ADAM32: variants seen among roughly 807,000 people sequenced by gnomAD.
The protein encoded by ADAM32 is ADAM metallopeptidase domain 32, also known as disintegrin and metalloproteinase domain-containing protein 32.
Under a neutral mutation model 114.9 loss-of-function variants are expected in ADAM32, and 89 were observed. That is an observed-to-expected ratio of 0.77 (90% CI 0.65 to 0.92). ADAM32 has a LOEUF of 0.92. Among genes scored for constraint, ADAM32 ranks in the 40% least tolerant of loss-of-function variants. ADAM32 has a pLI of 0.00. For synonymous variants in ADAM32, 285 were observed against 307.5 expected, an observed-to-expected ratio of 0.93 and a Z score of 0.77; for missense variants, 870 against 932.8, an observed-to-expected ratio of 0.93 and a Z score of 0.88.
chr8:39,284,556 C>G (rs1813660360), intron 24 of ADAM32, among the ~76,000 whole-genome samples: 1 of 152,024 alleles, frequency 6.6e-6, no homozygotes, highest in South Asian at 2.1e-4. Context: ...TTAATTTTTT[C>G]ATTTGCAAGT....
At chr8:39,161,083 A>C in intron 7 of ADAM32, 118 bp downstream of exon 7, 1 of 916,946 alleles carries the variant, frequency 1.1e-6, no homozygotes, top group African/African-American at 1.7e-5. Context: ...CATAGAGACA[A>C]TAGTGGAAAA....
chr8:39,259,957 T>C lies in ADAM32; in HGVS notation c.2162+2614T>C, dbSNP rs190894950. Among the ~76,000 whole-genome samples the C allele has an allele frequency of 2.0e-4, 31 of 152,340 alleles. 1 individual carries two copies. The East Asian group carries it at 5.8e-3, about 28-fold the overall frequency. On this transcript the variant is annotated intron_variant, in intron 19 of 24. Transcript: ENST00000379907. Reference sequence around the variant, plus strand: ...AGTGTTGTATGCATTCATTTATGTGTGTGTATAGTATTACCACATTTTATC... The same window carrying C: ...AGTGTTGTATGCATTCATTTATGTGCGTGTATAGTATTACCACATTTTATC...
intron 1 of ADAM32, among the ~76,000 whole-genome samples, chr8:39,111,510 T>C (rs1008463795): frequency 6.6e-6 from 1 of 151,866 alleles, no homozygotes; most frequent in Non-Finnish European, 1.5e-5. Context: ...CCAAGGTGGG[T>C]GGATCACTTG....
chr8:39,112,254 C>G (rs1214582136), intron 1 of ADAM32, among the ~76,000 whole-genome samples: 1 of 151,982 alleles, frequency 6.6e-6, no homozygotes, highest in Non-Finnish European at 1.5e-5. Flanking sequence ...TTATAAATGA[C>G]AAAAGCATAT....
chr8:39,247,011 G>A (rs187005244), intron 17 of ADAM32, among the ~76,000 whole-genome samples: 144 of 152,086 alleles, frequency 9.5e-4, no homozygotes, highest in African/African-American at 3.1e-3. Flanking sequence ...ATGTTTCTCC[G>A]TGTTTTTCTA....
chr8:39,175,628 C>A (rs1301414766), intron 10 of ADAM32, among the ~76,000 whole-genome samples: 1 of 152,106 alleles, frequency 6.6e-6, no homozygotes, highest in Non-Finnish European at 1.5e-5. Context: ...AGATATTGGC[C>A]TGAAGTTTTC....
intron 12 of ADAM32, among the ~76,000 whole-genome samples, chr8:39,216,205 G>A (rs980211397): frequency 2.0e-5 from 3 of 151,942 alleles, no homozygotes; most frequent in Admixed American, 1.3e-4. Context: ...TGTCGGATAT[G>A]AGTCTAGCTA....
intron 3 of ADAM32, among the ~76,000 whole-genome samples, chr8:39,146,578 T>G (rs1803519210): frequency 6.6e-6 from 1 of 151,948 alleles, no homozygotes; most frequent in Non-Finnish European, 1.5e-5. Context: ...ACCCGACTAA[T>G]TTTTGTATTT....
At chr8:39,280,965 G>T (rs1012612762) in intron 22 of ADAM32, among the ~76,000 whole-genome samples, 171 bp from the exon 23 acceptor site, 23 of 151,746 alleles carry the variant, frequency 1.5e-4, no homozygotes, top group Admixed American at 6.6e-4. Context: ...TGTATTTTTA[G>T]TAGAGACGGG....
Position 39,183,455 on chromosome 8 carries a change from CTATTCCCAATATAGTA to C in ADAM32, c.916-3435_916-3420del, listed in dbSNP as rs570682419. On this transcript the variant is annotated intron_variant, in intron 10 of 24. Coordinates refer to ENST00000379907, the MANE Select transcript of ADAM32 (RefSeq NM_145004.7). ...CATGCAGTGCCGCACCAGCCTGGGG[CTATTCCCAATATAGTA>C]TATTCCCAATATAGTATAGTAAGTC... is the stretch of plus-strand genomic sequence containing the variant. 8.2e-3 allele frequency among the ~76,000 whole-genome samples: 1,248 copies of C among 152,302 alleles called. 54 individuals carry two copies. Among genetic ancestry groups the C allele is most frequent in the Admixed American group, 0.068 (1,036 of 15,298 alleles).
intron 11 of ADAM32, among the ~76,000 whole-genome samples, chr8:39,187,507 A>G (rs576294193): frequency 2.6e-5 from 4 of 152,244 alleles, no homozygotes; most frequent in Non-Finnish European, 5.9e-5. Context: ...TCCTGACCTC[A>G]TGATCCGCCC....
intron 6 of ADAM32, among the ~76,000 whole-genome samples, chr8:39,159,475 T>C (rs1202537389): frequency 6.6e-6 from 1 of 152,222 alleles, no homozygotes; most frequent in Admixed American, 6.5e-5. Context: ...TCTGAGCAAG[T>C]GTCCAGCCTT....
chr8:39,113,997 T>C (rs1564422775), intron 1 of ADAM32, among the ~76,000 whole-genome samples: 1 of 122,068 alleles, frequency 8.2e-6, no homozygotes, highest in Admixed American at 8.0e-5. Context: ...TTGGAATCTA[T>C]ATTTTTTTCA....
intron 10 of ADAM32, among the ~76,000 whole-genome samples, chr8:39,185,396 C>T (rs562967206): frequency 1.1e-4 from 17 of 151,342 alleles, no homozygotes; most frequent in South Asian, 4.2e-4. Context: ...AGATTTTTGA[C>T]GATATTGGTG....
intron 24 of ADAM32, among the ~76,000 whole-genome samples, chr8:39,284,169 C>T (rs559444705): frequency 1.2e-4 from 18 of 152,014 alleles, no homozygotes; most frequent in Admixed American, 2.0e-4. Context: ...TAGTAAAGTT[C>T]TCTTAAGTTT....
intron 16 of ADAM32, among the ~76,000 whole-genome samples, chr8:39,241,963 C>T (rs1810591415): frequency 6.6e-6 from 1 of 152,184 alleles, no homozygotes. Flanking sequence ...AAACTGAATG[C>T]CTTTAATAGC....
chr8:39,234,223 C>A, intron 16 of ADAM32, 141 bp downstream of exon 16: 2 of 646,840 alleles, frequency 3.1e-6, no homozygotes, highest in Non-Finnish European at 4.5e-6. Context: ...TTAAATTAGT[C>A]TCCAAATAGT....
chr8:39,120,579 T>C (rs1840550339), intron 2 of ADAM32, among the ~76,000 whole-genome samples: 1 of 151,914 alleles, frequency 6.6e-6, no homozygotes, highest in African/African-American at 2.4e-5. Flanking sequence ...CTGGGTAACA[T>C]GGTGAAACCC....
chr8:39,186,902 A>G lies in ADAM32; in HGVS notation c.916-7A>G. The G allele has an allele frequency of 6.3e-7, 1 of 1,575,024 alleles. No individual in the cohort carries two copies. The highest frequency in any genetic ancestry group is 8.6e-7 in the Non-Finnish European group (1 of 1,164,590). ...TTTCCTTAGAATTTTCTTTGTTGTT[A>G]TTATAGTACCCCAAGGAGATAACTC... On this transcript the variant is annotated splice_region_variant and splice_polypyrimidine_tract_variant and intron_variant, in intron 10 of 24. Coordinates refer to ENST00000379907, the MANE Select transcript of ADAM32 (RefSeq NM_145004.7).
Sources: allele counts gnomAD v4.1 joint callset (sites outside exome capture counted in the v4.1 genomes callset), GRCh38; gene constraint gnomAD v4.1.1; transcripts MANE v1.5; gene names NCBI Gene and HGNC (gene_info 2026-07-23, HGNC 2026-07-21).